The following TMEM120B variants were observed in gnomAD, a reference collection of about 807,000 sequenced individuals.
The protein encoded by TMEM120B is transmembrane protein 120B.
Under a neutral mutation model 55.5 loss-of-function variants are expected in TMEM120B, and 31 were observed. The observed-to-expected ratio is 0.56, with a 90% CI of 0.42 to 0.75. The LOEUF is 0.75. Ranked by LOEUF, TMEM120B falls within the 30% of genes least tolerant of loss-of-function variation. TMEM120B has a pLI of 0.00. For missense variants in TMEM120B, 399 were observed against 425.5 expected (o/e 0.94, Z 0.55); for synonymous variants, 203 against 176.3 (o/e 1.15, Z -1.20).
rs146040851 is a variant in TMEM120B, at chr12:121,759,112, A to G, written c.462-2537A>G. On this transcript the variant is annotated intron_variant, in intron 5 of 11. Transcript: ENST00000449592. ...GCAGACAACCTAAAATAGAACATAG[A>G]GTGTCTACTGTTTTTTTTTTTTTTC... 280 of 757,962 alleles carry G rather than the reference A, an allele frequency of 3.7e-4. 2 individuals carry two copies. Among genetic ancestry groups the G allele is most frequent in the African/African-American group, 3.0e-3 (143 of 47,548 alleles). 47.0% of individuals were successfully genotyped at this position (757,962 alleles called of 1,614,324 possible).
At chr12:121,738,269 C>G (rs901830141) in intron 1 of TMEM120B, among the ~76,000 whole-genome samples, 4 of 151,828 alleles carry the variant, frequency 2.6e-5, no homozygotes, top group Non-Finnish European at 4.4e-5. Context: ...AAAAAAAAAG[C>G]AGACCTCAGC....
intron 4 of TMEM120B, among the ~76,000 whole-genome samples, 168 bp downstream of exon 4, chr12:121,750,607 A>G (rs1195675036): frequency 2.7e-5 from 1 of 36,974 alleles, no homozygotes; most frequent in Non-Finnish European, 7.6e-5. Flanking sequence ...CACCCACACC[A>G]ACACCAACAC....
Position 121,750,383 on chromosome 12 carries a change from C to G in TMEM120B, c.309C>G (p.Leu103=), listed in dbSNP as rs766139570. The G allele has an allele frequency of 6.2e-7, 1 of 1,612,480 alleles. No individual in the cohort carries two copies. The highest frequency in any genetic ancestry group is 8.5e-7 in the Non-Finnish European group (1 of 1,179,120). ...MEAYLPKKNG[L]YLNLVLGNVN... is the part of the protein sequence containing the mutation. ...CCTCACAGGTGTTTCCTTCCAGGCT[C>G]TACTTGAACCTGGTCCTCGGCAATG... The change falls in exon 4 of 12, where the codon CTC becomes CTG. Residue 103 remains leucine (L), a synonymous_variant. Transcript: ENST00000449592.
chr12:121,738,207 C>T (rs187105689), intron 1 of TMEM120B, among the ~76,000 whole-genome samples: 183 of 151,838 alleles, frequency 1.2e-3, no homozygotes, highest in Admixed American at 2.8e-3. Flanking sequence ...TGCAGTGAGC[C>T]GAGATTGCGC....
At chr12:121,749,905 CA>C (rs112189031) in intron 3 of TMEM120B, among the ~76,000 whole-genome samples, 12,946 of 79,812 alleles carry the variant, frequency 0.16, 992 homozygotes, top group African/African-American at 0.32. Context: ...GACTCTGTCT[CA>C]AAAAAAAAAA....
At chr12:121,762,601 T>C (rs1238500531) in intron 6 of TMEM120B, among the ~76,000 whole-genome samples, 1 of 152,126 alleles carries the variant, frequency 6.6e-6, no homozygotes, top group Non-Finnish European at 1.5e-5. Flanking sequence ...TAGCCGTCAC[T>C]GGGAGCGGAG....
chr12:121,753,837 AGGGCT>A (rs754307865), intron 5 of TMEM120B, among the ~76,000 whole-genome samples: 4 of 152,206 alleles, frequency 2.6e-5, no homozygotes, highest in Non-Finnish European at 5.9e-5. Context: ...CCTGCCTCAC[AGGGCT>A]GTGACAATTC....
rs150307648 is a variant in TMEM120B, at chr12:121,715,894, A to C, written c.69+2930A>C. Among the ~76,000 whole-genome samples the C allele has an allele frequency of 1.3e-4, 19 of 151,508 alleles. 1 individual carries two copies. The East Asian group carries it at 3.7e-3, about 29-fold the overall frequency. ...TCTCTGCCTTCTCACGTTCCCCTTCATGTTAGATGTGAGAGCTCTGAACTC... is the reference window on the plus strand; with the variant it reads ...TCTCTGCCTTCTCACGTTCCCCTTCCTGTTAGATGTGAGAGCTCTGAACTC... On this transcript the variant is annotated intron_variant, in intron 1 of 11. Transcript: ENST00000449592.
chr12:121,762,922 G>A (rs570060781), intron 6 of TMEM120B, among the ~76,000 whole-genome samples: 2 of 152,266 alleles, frequency 1.3e-5, no homozygotes, highest in East Asian at 1.9e-4. Context: ...GGGGGAGTGG[G>A]TGTGTCACAG....
intron 6 of TMEM120B, 26 bp from the exon 7 acceptor site, chr12:121,770,881 A>G (rs1255975925): frequency 6.2e-7 from 1 of 1,612,568 alleles, no homozygotes; most frequent in Non-Finnish European, 8.5e-7. Flanking sequence ...CCTCCTGAGC[A>G]CTTTCCGTTC....
intron 1 of TMEM120B, among the ~76,000 whole-genome samples, chr12:121,741,886 C>A (rs1872942536): frequency 6.6e-6 from 1 of 152,020 alleles, no homozygotes; most frequent in African/African-American, 2.4e-5. Flanking sequence ...AAGGGAGTCA[C>A]CCTTTCATCT....
intron 6 of TMEM120B, among the ~76,000 whole-genome samples, chr12:121,764,468 C>A (rs1356686071): frequency 6.6e-6 from 1 of 151,888 alleles, no homozygotes; most frequent in South Asian, 2.1e-4. Context: ...TTGTGGTGAG[C>A]CGAGATCATG....
In TMEM120B at chr12:121,779,502, A is replaced by G. The variant is rs747004325; in HGVS notation, c.*3780A>G. The stretch of plus-strand genomic sequence containing the variant: ...GTGAGGTCTGTCTGCCCTGGGTCAG[A>G]GCAGCAGGCAGAGCCGGCGCTTCTT... On this transcript the variant is annotated 3_prime_UTR_variant, in exon 12 of 12. Transcript: ENST00000449592. The G allele has an allele frequency of 6.2e-7, 1 of 1,611,686 alleles. No homozygotes were observed. Among genetic ancestry groups the G allele is most frequent in the African/African-American group, 1.3e-5 (1 of 75,062 alleles).
intron 6 of TMEM120B, among the ~76,000 whole-genome samples, chr12:121,765,815 G>A (rs1370443086): frequency 2.0e-5 from 3 of 152,148 alleles, no homozygotes; most frequent in Non-Finnish European, 2.9e-5. Context: ...TTGATCCTGG[G>A]GGCAGGCAAG....
At chr12:121,764,667 T>C (rs1354696069) in intron 6 of TMEM120B, among the ~76,000 whole-genome samples, 1 of 149,112 alleles carries the variant, frequency 6.7e-6, no homozygotes, top group Non-Finnish European at 1.5e-5. Flanking sequence ...AAAAAAAAAG[T>C]GCTCTGGGGC....
intron 1 of TMEM120B, among the ~76,000 whole-genome samples, chr12:121,718,344 C>CA (rs893578162): frequency 4.5e-4 from 68 of 150,538 alleles, no homozygotes; most frequent in Middle Eastern, 3.4e-3. Flanking sequence ...AAACAAAAAA[C>CA]AAAAAAAAAC....
chr12:121,773,421 G>T lies in TMEM120B; in HGVS notation c.680G>T (p.Ser227Ile). 3 of 1,609,900 alleles carry T rather than the reference G, an allele frequency of 1.9e-6. No individual in the cohort carries two copies. Among genetic ancestry groups the T allele is most frequent in the Non-Finnish European group, 2.5e-6 (3 of 1,178,202 alleles). The change falls in exon 9 of 12, where the codon AGC (serine) becomes ATC (isoleucine). Residue 227 changes from serine to isoleucine, a missense_variant and splice_region_variant. Transcript: ENST00000449592. ...CCCAGGTGCTGTGCTCCCCCTGCAGGCTGCGTCCAGTTCCTGCAATATTAT... is the reference window on the plus strand; with the variant it reads ...CCCAGGTGCTGTGCTCCCCCTGCAGTCTGCGTCCAGTTCCTGCAATATTAT... ...NQFLAFSIFQSCVQFLQYYYQ... is the reference protein window; with the variant it reads ...NQFLAFSIFQICVQFLQYYYQ...
intron 1 of TMEM120B, among the ~76,000 whole-genome samples, chr12:121,735,445 C>A (rs1467134147): frequency 6.6e-6 from 1 of 151,462 alleles, no homozygotes; most frequent in Non-Finnish European, 1.5e-5. Flanking sequence ...TGTTGCCAGG[C>A]TGGAGTGCAG....
chr12:121,774,944 T>C, intron 10 of TMEM120B, 118 bp from the exon 11 acceptor site: 1 of 1,184,116 alleles, frequency 8.4e-7, no homozygotes, highest in South Asian at 1.3e-5. Context: ...GGGGTGTCTG[T>C]CAGTGTTGTG....
Sources: allele counts gnomAD v4.1 joint callset (sites outside exome capture counted in the v4.1 genomes callset), GRCh38; gene constraint gnomAD v4.1.1; transcripts MANE v1.5; gene names NCBI Gene and HGNC (gene_info 2026-07-23, HGNC 2026-07-21).